DLC1: variants seen among roughly 807,000 people sequenced by gnomAD.
DLC1 encodes rho GTPase-activating protein 7.
Under a neutral mutation model 140.3 loss-of-function variants are expected in DLC1, and 54 were observed. The observed-to-expected ratio is 0.38, with a 90% CI of 0.31 to 0.48. The LOEUF is 0.48. Among genes scored for constraint, DLC1 ranks in the 20% least tolerant of loss-of-function variants. The probability of loss-of-function intolerance (pLI) is 0.96; values close to 1 mark genes in which losing one functional copy is unlikely to be tolerated. For synonymous variants in DLC1, 986 were observed against 728.1 expected, an observed-to-expected ratio of 1.35 and a Z score of -5.70; for missense variants, 2,536 against 1,907.0, an observed-to-expected ratio of 1.33 and a Z score of -6.14.
intron 2 of DLC1, among the ~76,000 whole-genome samples, chr8:13,464,347 T>A (rs1055594200): frequency 9.9e-5 from 15 of 152,210 alleles, no homozygotes; most frequent in South Asian, 4.1e-4. Flanking sequence ...GAATTATAAG[T>A]CATTATCCTT....
At chr8:13,498,307 T>G (rs1801609623) in intron 2 of DLC1, among the ~76,000 whole-genome samples, 1 of 152,242 alleles carries the variant, frequency 6.6e-6, no homozygotes, top group Non-Finnish European at 1.5e-5. Flanking sequence ...GTTCACTTGC[T>G]AAACCATAAT....
chr8:13,127,959 T>C (rs1220968332), intron 5 of DLC1, among the ~76,000 whole-genome samples: 1 of 151,244 alleles, frequency 6.6e-6, no homozygotes, highest in African/African-American at 2.4e-5. Flanking sequence ...GGGGAAGGGG[T>C]AGACACCAAA....
At chr8:13,475,702 G>C (rs1800404693) in intron 2 of DLC1, among the ~76,000 whole-genome samples, 1 of 152,122 alleles carries the variant, frequency 6.6e-6, no homozygotes, top group African/African-American at 2.4e-5. Context: ...CCTGAGGCTG[G>C]TACTCAAATC....
At chr8:13,090,046 A>T (rs148280820) in intron 15 of DLC1, among the ~76,000 whole-genome samples, 17 of 152,324 alleles carry the variant, frequency 1.1e-4, no homozygotes, top group African/African-American at 4.1e-4. Flanking sequence ...TCCTCTCCCA[A>T]GTGTTACACA....
intron 2 of DLC1, among the ~76,000 whole-genome samples, chr8:13,444,011 C>G (rs561500907): frequency 5.4e-4 from 82 of 152,074 alleles, no homozygotes; most frequent in South Asian, 1.0e-3. Context: ...GTAAATAAAA[C>G]AATATCTTAA....
chr8:13,458,698 A>G (rs563527176), intron 2 of DLC1, among the ~76,000 whole-genome samples: 1 of 152,318 alleles, frequency 6.6e-6, no homozygotes, highest in Admixed American at 6.5e-5. Flanking sequence ...ACCTTTTGAA[A>G]TAAGGGCTAA....
At chr8:13,592,483 G>A (rs548461028) in intron 1 of DLC1, among the ~76,000 whole-genome samples, 4 of 151,176 alleles carry the variant, frequency 2.6e-5, no homozygotes, top group African/African-American at 4.9e-5. Context: ...TTTGCTTTAC[G>A]TGTTCTTTTC....
intron 1 of DLC1, among the ~76,000 whole-genome samples, chr8:13,511,540 C>T (rs1421655826): frequency 6.6e-6 from 1 of 152,098 alleles, no homozygotes; most frequent in Non-Finnish European, 1.5e-5. Flanking sequence ...GAAGTAAACA[C>T]TGTATTTCTC....
chr8:13,089,924 A>G lies in DLC1; in HGVS notation c.4074+328T>C, dbSNP rs180819412. Among the ~76,000 whole-genome samples, 10 of 152,364 alleles carry G rather than the reference A, an allele frequency of 6.6e-5. No homozygotes were observed. In the East Asian group the frequency reaches 1.9e-3, roughly 29 times the overall value. ...AAGGGATTCTGACCAAATTATGGAA[A>G]AATCGAAGCGTGTCATAGGATGTTC... is the stretch of plus-strand genomic sequence containing the variant. On this transcript the variant is annotated intron_variant, in intron 15 of 17. Transcript: ENST00000276297.
chr8:13,143,426 C>G (rs80131028), intron 5 of DLC1, among the ~76,000 whole-genome samples: 3,485 of 152,086 alleles, frequency 0.023, 60 homozygotes, highest in Non-Finnish European at 0.03. Flanking sequence ...GTGTTACTTC[C>G]TAGGTAGGTT....
chr8:13,263,712 T>A (rs1232050539), intron 5 of DLC1, among the ~76,000 whole-genome samples: 1 of 151,568 alleles, frequency 6.6e-6, no homozygotes, highest in Non-Finnish European at 1.5e-5. Flanking sequence ...TATTTTTATG[T>A]TTTTTTAAAG....
At chr8:13,517,136 A>G (rs1003665885), upstream of DLC1, among the ~76,000 whole-genome samples, 1 of 152,180 alleles carries the variant, frequency 6.6e-6, no homozygotes, top group Non-Finnish European at 1.5e-5. Flanking sequence ...CTGGAGAAGA[A>G]AGGAATGAGA....
At chr8:13,286,776 T>C (rs1304371428) in intron 5 of DLC1, among the ~76,000 whole-genome samples, 2 of 148,520 alleles carry the variant, frequency 1.3e-5, no homozygotes, top group East Asian at 2.0e-4. Flanking sequence ...ACTCTTTTGA[T>C]TGGCATAAAA....
intron 2 of DLC1, among the ~76,000 whole-genome samples, chr8:13,420,245 T>A (rs1306560462): frequency 6.6e-6 from 1 of 152,088 alleles, no homozygotes; most frequent in East Asian, 1.9e-4. Flanking sequence ...ACTTTTCTTG[T>A]AGGGTCTTTC....
At chr8:13,551,071 C>CAG (rs1339136494) in intron 1 of DLC1, among the ~76,000 whole-genome samples, 4 of 51,526 alleles carry the variant, frequency 7.8e-5, no homozygotes, top group African/African-American at 2.1e-4. Flanking sequence ...CACACACACA[C>CAG]ACACTTTTTT....
intron 5 of DLC1, among the ~76,000 whole-genome samples, chr8:13,239,696 A>G (rs1433195828): frequency 6.6e-6 from 1 of 152,200 alleles, no homozygotes; most frequent in African/African-American, 2.4e-5. Context: ...CTGATATGTA[A>G]TCTCAGGCCT....
chr8:13,450,487 A>G (rs912934565), intron 2 of DLC1, among the ~76,000 whole-genome samples: 11 of 150,788 alleles, frequency 7.3e-5, no homozygotes, highest in African/African-American at 2.7e-4. Flanking sequence ...GCCGAAGAGA[A>G]ATTCTGCAGT....
rs376455110 is a variant in DLC1, at chr8:13,268,969, G to T, written c.1348+36300C>A. Reference sequence around the variant, plus strand: ...GGCTCACTGCAAGCTCCGCCTCCCGGGTTCACGCCATTCTCCTGCCTCAGC... The same window carrying T: ...GGCTCACTGCAAGCTCCGCCTCCCGTGTTCACGCCATTCTCCTGCCTCAGC... On this transcript the variant is annotated intron_variant, in intron 5 of 17. Transcript: ENST00000276297. 1.6e-4 allele frequency among the ~76,000 whole-genome samples: 24 copies of T among 150,936 alleles called. No individual in the cohort carries two copies. The East Asian group carries it at 3.9e-3, about 25-fold the overall frequency.
At chr8:13,434,270 G>C (rs897915242) in intron 2 of DLC1, among the ~76,000 whole-genome samples, 16 of 152,210 alleles carry the variant, frequency 1.1e-4, no homozygotes, top group African/African-American at 3.4e-4. Context: ...CAATAGAGGT[G>C]AGATGGAACA....
Sources: allele counts gnomAD v4.1 joint callset (sites outside exome capture counted in the v4.1 genomes callset), GRCh38; gene constraint gnomAD v4.1.1; transcripts MANE v1.5; gene names NCBI Gene and HGNC (gene_info 2026-07-23, HGNC 2026-07-21).